KIF18B: variants seen among roughly 807,000 people sequenced by gnomAD.
KIF18B encodes kinesin-like protein KIF18B.
Under a neutral mutation model 80.9 loss-of-function variants are expected in KIF18B, and 49 were observed. That is an observed-to-expected ratio of 0.61 (90% CI 0.48 to 0.77). KIF18B has a LOEUF of 0.77. Among genes scored for constraint, KIF18B ranks in the 30% least tolerant of loss-of-function variants. The pLI, the probability that KIF18B is intolerant of heterozygous loss-of-function variation, is 0.00. For missense variants in KIF18B, 994 were observed against 1,127.7 expected (o/e 0.88, Z 1.70); for synonymous variants, 439 against 463.9 (o/e 0.95, Z 0.69).
At chr17:44,933,294 A>G (rs1417384307) in intron 7 of KIF18B, among the ~76,000 whole-genome samples, 1 of 151,818 alleles carries the variant, frequency 6.6e-6, no homozygotes, top group African/African-American at 2.4e-5. Context: ...GAAAGCATAT[A>G]TTGGTGTTTA....
chr17:44,931,771 GCCT>G, intron 10 of KIF18B, 42 bp from the exon 11 acceptor site: 1 of 1,606,240 alleles, frequency 6.2e-7, no homozygotes, highest in Non-Finnish European at 8.5e-7. Flanking sequence ...GGCCAGGATG[GCCT>G]CCTCATCTTT....
intron 1 of KIF18B, among the ~76,000 whole-genome samples, chr17:44,942,225 G>C (rs1445514281): frequency 6.6e-6 from 1 of 152,216 alleles, no homozygotes; most frequent in Non-Finnish European, 1.5e-5. Flanking sequence ...CAAAGTACAA[G>C]GGAGATGATT....
chr17:44,934,795 T>C lies in KIF18B; in HGVS notation c.576+36A>G, dbSNP rs767926824. 20 of 1,464,894 alleles carry C rather than the reference T, an allele frequency of 1.4e-5. No homozygotes were observed. In the South Asian group the frequency reaches 1.9e-4, roughly 14 times the overall value. The allele number at this position is 1,464,894 out of a possible 1,614,324, so 90.7% of individuals were successfully genotyped here. ...TTTGTGAGGGAACCCCAAGGACCCA[T>C]GGGGCCGATCATCCTACCCGAGCCC... is the stretch of plus-strand genomic sequence containing the variant. On this transcript the variant is annotated intron_variant, in intron 4 of 15. Transcript: ENST00000593135. The surrounding 1 kb of genome is among the most constrained non-coding windows in gnomAD (Gnocchi z 5.4).
chr17:44,938,810 C>T (rs952344722), intron 1 of KIF18B, among the ~76,000 whole-genome samples: 33 of 151,750 alleles, frequency 2.2e-4, no homozygotes, highest in African/African-American at 7.7e-4. Flanking sequence ...TTTGGGAGAC[C>T]AAGGTGGGCG....
intron 1 of KIF18B, 142 bp from the exon 2 acceptor site, chr17:44,936,500 G>A: frequency 1.7e-6 from 1 of 602,070 alleles, no homozygotes; most frequent in Non-Finnish European, 2.8e-6. Flanking sequence ...TATTGGTGCT[G>A]AAACCAATTA....
At position 44,936,102 on chromosome 17, in the gene KIF18B, G is replaced by A; in HGVS notation, c.243C>T (p.Thr81=). The A allele has an allele frequency of 6.2e-7, 1 of 1,613,854 alleles. No individual in the cohort carries two copies. Residue 81 remains threonine, a synonymous_variant, in exon 2 of 16, where the codon ACC becomes ACT. Coordinates refer to ENST00000593135, the MANE Select transcript of KIF18B (RefSeq NM_001265577.2). Reference sequence around the variant, plus strand: ...TGGTGTGCTGGAACACGTCCTGTTGGGTGGCCGCCTCGCCAAAGACCCGGT... The same window carrying A: ...TGGTGTGCTGGAACACGTCCTGTTGAGTGGCCGCCTCGCCAAAGACCCGGT... ...VFDRVFGEAA[T]QQDVFQHTTH... is the part of the protein sequence containing the mutation.
At chr17:44,935,648 T>C (rs1289958785) in intron 2 of KIF18B, among the ~76,000 whole-genome samples, 2 of 152,216 alleles carry the variant, frequency 1.3e-5, no homozygotes, top group Non-Finnish European at 2.9e-5. Flanking sequence ...GTGCGGGCTA[T>C]GCCTTCCTTC....
At chr17:44,946,562 A>G (rs1300062184) in intron 1 of KIF18B, among the ~76,000 whole-genome samples, 1 of 152,204 alleles carries the variant, frequency 6.6e-6, no homozygotes, top group Non-Finnish European at 1.5e-5. Flanking sequence ...TGAAGATTAA[A>G]TGAGTTCATT....
At chr17:44,935,003 G>A in intron 3 of KIF18B, 68 bp from the exon 4 acceptor site, 1 of 1,169,664 alleles carries the variant, frequency 8.5e-7, no homozygotes. Context: ...CCTAGCGGCT[G>A]GACAGGGGAG....
chr17:44,926,318 C>T (rs1037409129), intron 15 of KIF18B, 96 bp downstream of exon 15: 6 of 1,556,786 alleles, frequency 3.9e-6, no homozygotes, highest in Non-Finnish European at 5.2e-6. Flanking sequence ...ACCCTAGGCC[C>T]TCCTTTCTTC....
chr17:44,939,242 G>T (rs1171138994), intron 1 of KIF18B, among the ~76,000 whole-genome samples: 1 of 150,836 alleles, frequency 6.6e-6, no homozygotes, highest in Non-Finnish European at 1.5e-5. Flanking sequence ...ACGGTGGCGG[G>T]CGCCTGTAAT....
At chr17:44,939,842 T>G (rs760241287) in intron 1 of KIF18B, among the ~76,000 whole-genome samples, 1 of 152,180 alleles carries the variant, frequency 6.6e-6, no homozygotes, top group Non-Finnish European at 1.5e-5. Context: ...TTAGACTGAG[T>G]CTCGCTATCG....
At chr17:44,929,144 G>C (rs566709308) in intron 11 of KIF18B, 120 bp from the exon 12 acceptor site, 2 of 844,222 alleles carry the variant, frequency 2.4e-6, no homozygotes, top group East Asian at 2.7e-5. Flanking sequence ...CTGGTCCCCT[G>C]GCTCCCTCCT....
Position 44,931,576 on chromosome 17 carries a change from C to A in KIF18B, c.1517+26G>T, listed in dbSNP as rs756911264. The A allele has an allele frequency of 1.2e-5, 19 of 1,613,704 alleles. No homozygotes were observed. The African/African-American group carries it at 2.4e-4, about 20-fold the overall frequency. ...GAGCCCATTGCTTCCCACCTTGATT[C>A]CAGAATACAGCAAGAAGATACCTAC... On this transcript the variant is annotated intron_variant, in intron 11 of 15. Coordinates refer to ENST00000593135, the MANE Select transcript of KIF18B (RefSeq NM_001265577.2).
chr17:44,925,316 G>A lies in KIF18B; in HGVS notation c.*764C>T, dbSNP rs1206949415. The A allele has an allele frequency of 6.6e-6, 1 of 152,164 alleles. No individual in the cohort carries two copies. Among genetic ancestry groups the A allele is most frequent in the South Asian group, 2.1e-4 (1 of 4,822 alleles). 9.4% of individuals were successfully genotyped at this position (152,164 alleles called of 1,614,324 possible). A position where few individuals can be genotyped will look rare whatever the true frequency, so the allele number is the denominator to read the frequency against. On this transcript the variant is annotated 3_prime_UTR_variant, in exon 16 of 16. Transcript: ENST00000593135. ...CAAAAAATTAGCCAGGCGTGGTGGT[G>A]GGCGCCTGTAGTCCCAGCTACTTGG...
intron 1 of KIF18B, among the ~76,000 whole-genome samples, chr17:44,942,003 G>A (rs995814439): frequency 6.6e-6 from 1 of 152,008 alleles, no homozygotes; most frequent in African/African-American, 2.4e-5. Flanking sequence ...CATAGCCGCC[G>A]CTAGGATGCC....
chr17:44,935,286 G>A lies in KIF18B; in HGVS notation c.444C>T (p.His148=). 6.2e-7 allele frequency: 1 copy of A among 1,610,932 alleles called. No individual in the cohort carries two copies. The highest frequency in any genetic ancestry group is 1.3e-5 in the African/African-American group (1 of 74,930). ...CCTGGTAGCTGATGAGCACCTCGAA[G>A]TGCTTCTCCTGCTGGCGGGCCTCCA... ...RRLEARQQEK[H]FEVLISYQEV... Residue 148 remains histidine (H), a synonymous_variant, in exon 3 of 16, where the codon CAC becomes CAT. Coordinates refer to ENST00000593135, the MANE Select transcript of KIF18B (RefSeq NM_001265577.2).
chr17:44,945,872 C>T lies in KIF18B; in HGVS notation c.-15+1756G>A, dbSNP rs556663638. 2.7e-5 allele frequency among the ~76,000 whole-genome samples: 4 copies of T among 147,050 alleles called. No homozygotes were observed. In the South Asian group the frequency reaches 8.6e-4, roughly 32 times the overall value. Reference sequence around the variant, plus strand: ...AGGGAGCTGAGGTGGTACCATTGCACTCCAGCCTGGGCAACGAGGGAAATT... The same window carrying T: ...AGGGAGCTGAGGTGGTACCATTGCATTCCAGCCTGGGCAACGAGGGAAATT... On this transcript the variant is annotated intron_variant, in intron 1 of 15. Transcript: ENST00000593135.
chr17:44,936,113 C>T lies in KIF18B; in HGVS notation c.232G>A (p.Glu78Lys), dbSNP rs756486819. 1.2e-6 allele frequency: 2 copies of T among 1,613,720 alleles called. No individual in the cohort carries two copies. The highest frequency in any genetic ancestry group is 1.3e-5 in the African/African-American group (1 of 74,928). The change falls in exon 2 of 16, where the codon GAG (glutamate) becomes AAG (lysine). Residue 78 changes from glutamate to lysine, a missense_variant. Glu to Lys is a moderately conservative substitution (Grantham distance 56). Coordinates refer to ENST00000593135, the MANE Select transcript of KIF18B (RefSeq NM_001265577.2). ...LTFVFDRVFG[E>K]AATQQDVFQH... ...AACACGTCCTGTTGGGTGGCCGCCT[C>T]GCCAAAGACCCGGTCAAAGACAAAC...
Sources: gnomAD v4.1 joint callset for allele counts (sites outside exome capture counted in the v4.1 genomes callset) on GRCh38, gnomAD v4.1.1 for gene constraint, Gnocchi (gnomAD v3.1) non-coding constraint, MANE v1.5 for transcripts, NCBI Gene and HGNC (gene_info 2026-07-23, HGNC 2026-07-21) for gene names.